The following CLVS1 variants were observed in gnomAD, a reference collection of about 807,000 sequenced individuals.
The protein encoded by CLVS1 is clavesin 1.
A neutral mutation model predicts 33.1 loss-of-function variants in CLVS1; 10 were observed. That is an observed-to-expected ratio of 0.30 (90% CI 0.19 to 0.51). The LOEUF (loss-of-function observed/expected upper bound fraction) is 0.51, where lower values mean the gene tolerates loss of function less well. CLVS1 is among the 20% of genes least tolerant of loss of function. The pLI, the probability that CLVS1 is intolerant of heterozygous loss-of-function variation, is 0.97. For missense variants in CLVS1, 343 were observed against 433.4 expected (o/e 0.79, Z 1.85); for synonymous variants, 163 against 166.1 (o/e 0.98, Z 0.14).
chr8:61,106,806 T>C (rs1805547015), intron 1 of CLVS1, among the ~76,000 whole-genome samples: 1 of 152,174 alleles, frequency 6.6e-6, no homozygotes, highest in Non-Finnish European at 1.5e-5. Flanking sequence ...CAACTTTGCC[T>C]GGAGGCTCTT....
the CLVS1 span, among the ~76,000 whole-genome samples, chr8:61,044,868 A>C: frequency 8.5e-5 from 13 of 152,226 alleles, no homozygotes; most frequent in African/African-American, 3.1e-4. Context: ...AGGAACAAAA[A>C]ATTTTGGAGA....
intron 3 of CLVS1, among the ~76,000 whole-genome samples, chr8:61,381,561 G>A (rs986568536): frequency 3.3e-5 from 5 of 152,090 alleles, no homozygotes; most frequent in Non-Finnish European, 7.3e-5. Context: ...ATACTCAATA[G>A]GTAGTTTTTT....
intron 2 of CLVS1, among the ~76,000 whole-genome samples, chr8:61,349,297 A>C (rs1812353396): frequency 6.6e-6 from 1 of 152,092 alleles, no homozygotes; most frequent in Non-Finnish European, 1.5e-5. Context: ...GCCCAGACTC[A>C]TTTCATGGAG....
intron 1 of CLVS1, among the ~76,000 whole-genome samples, chr8:61,103,830 G>C (rs56272922): frequency 0.033 from 5,073 of 152,254 alleles, 138 homozygotes; most frequent in Middle Eastern, 0.051. Context: ...TTAGGCAAGG[G>C]CTTGCTTAAA....
At chr8:61,327,328 C>A (rs1353751151) in intron 2 of CLVS1, among the ~76,000 whole-genome samples, 1 of 152,110 alleles carries the variant, frequency 6.6e-6, no homozygotes, top group Non-Finnish European at 1.5e-5. Flanking sequence ...TTCTAATTGT[C>A]ATGATAATGC....
At chr8:61,467,322 C>A (rs1279057203) in intron 5 of CLVS1, among the ~76,000 whole-genome samples, 1 of 152,178 alleles carries the variant, frequency 6.6e-6, no homozygotes, top group African/African-American at 2.4e-5. Context: ...CAGACGCGTC[C>A]TTTCATTTGT....
chr8:61,324,199 G>A (rs1029646942), intron 2 of CLVS1, among the ~76,000 whole-genome samples: 1 of 152,062 alleles, frequency 6.6e-6, no homozygotes, highest in Admixed American at 6.6e-5. Context: ...TTCTTGAATT[G>A]TGCTCCCATA....
intron 2 of CLVS1, among the ~76,000 whole-genome samples, chr8:61,198,115 C>T (rs1290102606): frequency 1.3e-5 from 2 of 152,160 alleles, no homozygotes; most frequent in Admixed American, 6.5e-5. Flanking sequence ...GTGTTCCTTC[C>T]AGAGGTACAA....
At chr8:61,172,738 T>A (rs1166790526) in intron 2 of CLVS1, among the ~76,000 whole-genome samples, 1 of 151,968 alleles carries the variant, frequency 6.6e-6, no homozygotes, top group East Asian at 1.9e-4. Context: ...AAAAACAGTG[T>A]TCCTAACTAG....
chr8:61,419,431 T>C (rs1021969836), intron 3 of CLVS1, among the ~76,000 whole-genome samples: 5 of 150,124 alleles, frequency 3.3e-5, no homozygotes, highest in Non-Finnish European at 7.4e-5. Flanking sequence ...TAAAAGGTGT[T>C]GTGGTGAAAA....
At chr8:60,973,066 G>A in the CLVS1 span, among the ~76,000 whole-genome samples, 1 of 152,230 alleles carries the variant, frequency 6.6e-6, no homozygotes, top group Non-Finnish European at 1.5e-5. Context: ...GTTGGTCAGA[G>A]AAGTCATGGG....
the CLVS1 span, among the ~76,000 whole-genome samples, chr8:60,995,507 A>G: frequency 7.2e-5 from 11 of 152,198 alleles, no homozygotes. Flanking sequence ...AAAAGTCAGG[A>G]AACAACAGGT....
At chr8:61,007,990 G>C in the CLVS1 span, among the ~76,000 whole-genome samples, 3 of 152,296 alleles carry the variant, frequency 2.0e-5, no homozygotes, top group Non-Finnish European at 2.9e-5. Context: ...GATGGGGCAG[G>C]ATTCCAAGCA....
chr8:61,059,524 G>A (rs866383763), intron 1 of CLVS1, among the ~76,000 whole-genome samples: 17 of 61,650 alleles, frequency 2.8e-4, no homozygotes, highest in African/African-American at 8.0e-4. Flanking sequence ...AATAGCACGA[G>A]GCTTGTCCTT....
At chr8:61,366,855 C>G (rs912065636) in intron 2 of CLVS1, among the ~76,000 whole-genome samples, 1 of 152,140 alleles carries the variant, frequency 6.6e-6, no homozygotes, top group Non-Finnish European at 1.5e-5. Flanking sequence ...GTAGACACTA[C>G]CAGCCCATAT....
chr8:61,480,226 T>C (rs1393690405), intron 5 of CLVS1, among the ~76,000 whole-genome samples: 4 of 152,228 alleles, frequency 2.6e-5, no homozygotes, highest in Non-Finnish European at 5.9e-5. Flanking sequence ...TGTGGTGGGC[T>C]CCACCCAGTT....
intron 1 of CLVS1, among the ~76,000 whole-genome samples, chr8:61,069,148 A>G (rs563229495): frequency 1.7e-4 from 26 of 152,018 alleles, no homozygotes; most frequent in Non-Finnish European, 3.7e-4. Flanking sequence ...GTAATTTTTT[A>G]GTAGAGACTG....
upstream of CLVS1, among the ~76,000 whole-genome samples, chr8:61,052,986 A>T (rs1298434139): frequency 6.6e-6 from 1 of 152,172 alleles, no homozygotes; most frequent in African/African-American, 2.4e-5. Flanking sequence ...CTCTAGATGT[A>T]AACGTGGATT....
At chr8:61,246,041 G>T (rs1349789395) in intron 2 of CLVS1, among the ~76,000 whole-genome samples, 1 of 151,718 alleles carries the variant, frequency 6.6e-6, no homozygotes, top group Non-Finnish European at 1.5e-5. Flanking sequence ...CAAAGTTTTG[G>T]GATTATAGGT....
Sources: allele counts gnomAD v4.1 joint callset (sites outside exome capture counted in the v4.1 genomes callset), GRCh38; gene constraint gnomAD v4.1.1; transcripts MANE v1.5; gene names NCBI Gene and HGNC (gene_info 2026-07-23, HGNC 2026-07-21).